TMEM132B: variants seen among roughly 807,000 people sequenced by gnomAD.
The protein encoded by TMEM132B is transmembrane protein 132B.
In TMEM132B, 18 loss-of-function variants were observed where a neutral mutation model predicts 90.8. That is an observed-to-expected ratio of 0.20 (90% confidence interval 0.14 to 0.29). The LOEUF (loss-of-function observed/expected upper bound fraction) is 0.29, where lower values mean the gene tolerates loss of function less well. Among genes scored for constraint, TMEM132B ranks in the 10% least tolerant of loss-of-function variants. TMEM132B has a pLI of 1.00. For missense variants in TMEM132B, 1,096 were observed against 1,326.8 expected, an observed-to-expected ratio of 0.83 and a Z score of 2.70; for synonymous variants, 504 against 523.3, an observed-to-expected ratio of 0.96 and a Z score of 0.50.
chr12:125,443,306 C>G (rs557144928), intron 3 of TMEM132B, among the ~76,000 whole-genome samples: 9 of 152,234 alleles, frequency 5.9e-5, no homozygotes, highest in African/African-American at 2.2e-4. Flanking sequence ...GAGAAGAGGG[C>G]CAGTTGTAAT....
chr12:125,661,847 TC>T lies in TMEM132B; in HGVS notation c.*7138del, dbSNP rs1318097240. The T allele has an allele frequency of 2.0e-5, 3 of 152,240 alleles. No homozygotes were observed. Among genetic ancestry groups the T allele is most frequent in the Admixed American group, 2.0e-4 (3 of 15,286 alleles). The allele number at this position is 152,240 out of a possible 1,614,324, so 9.4% of individuals were successfully genotyped here. On this transcript the variant is annotated 3_prime_UTR_variant, in exon 9 of 9. Coordinates refer to ENST00000682704, the MANE Select transcript of TMEM132B (RefSeq NM_001366854.1). ...CGTGTATCATGCAACAGACCCGTGC[TC>T]TTAGAGGGAGGTAGTGTGTGTCTTC...
rs574061660 is a variant in TMEM132B at position 125,367,418 on chromosome 12, C to T, written c.959+17075C>T. Among the ~76,000 whole-genome samples, 3 of 152,278 alleles carry T rather than the reference C, an allele frequency of 2.0e-5. No homozygotes were observed. In the East Asian group the frequency reaches 5.8e-4, roughly 29 times the overall value. On this transcript the variant is annotated intron_variant, in intron 2 of 8. Transcript: ENST00000682704. Reference sequence around the variant, plus strand: ...GTATGGATCTTTTATCTTTAGCTGACATGCTTTGAGACTGATCTGCATATA... The same window carrying T: ...GTATGGATCTTTTATCTTTAGCTGATATGCTTTGAGACTGATCTGCATATA...
chr12:125,629,162 A>ATT (rs539448867), intron 5 of TMEM132B, among the ~76,000 whole-genome samples: 10 of 149,482 alleles, frequency 6.7e-5, no homozygotes, highest in Admixed American at 6.7e-4. Flanking sequence ...AAATTCTAGG[A>ATT]TTTTTTTTTT....
At chr12:125,483,677 A>G (rs1234736001) in intron 3 of TMEM132B, among the ~76,000 whole-genome samples, 1 of 152,214 alleles carries the variant, frequency 6.6e-6, no homozygotes, top group Non-Finnish European at 1.5e-5. Context: ...TGCTCATGAA[A>G]TCCAGAGATT....
At chr12:125,568,932 A>G (rs1471815983) in intron 4 of TMEM132B, among the ~76,000 whole-genome samples, 1 of 152,186 alleles carries the variant, frequency 6.6e-6, no homozygotes, top group African/African-American at 2.4e-5. Flanking sequence ...CAGCAATTGT[A>G]TCCTTTTGCA....
intron 5 of TMEM132B, among the ~76,000 whole-genome samples, chr12:125,610,431 G>A (rs1409050896): frequency 6.6e-6 from 1 of 152,078 alleles, no homozygotes; most frequent in Non-Finnish European, 1.5e-5. Flanking sequence ...TCTATTCCTA[G>A]TTTGTTGATA....
At chr12:125,200,165 G>C (rs1593039058) in intron 1 of TMEM132B, among the ~76,000 whole-genome samples, 2 of 152,180 alleles carry the variant, frequency 1.3e-5, no homozygotes, top group Non-Finnish European at 2.9e-5. Flanking sequence ...TTCTAAGGTG[G>C]GGGCTGGGGA....
At chr12:125,301,426 C>T (rs1458248662) in intron 1 of TMEM132B, 1 of 152,334 alleles carries the variant, frequency 6.6e-6, no homozygotes, top group Non-Finnish European at 1.5e-5. Flanking sequence ...CTGTGCCCAG[C>T]TCTGAAGACC....
intron 5 of TMEM132B, among the ~76,000 whole-genome samples, chr12:125,626,047 CA>C (rs1214198130): frequency 1.3e-5 from 2 of 152,168 alleles, no homozygotes; most frequent in African/African-American, 4.8e-5. Context: ...TATTAACACA[CA>C]ATGCATTGTT....
rs542494851 is a variant in TMEM132B, at chr12:125,310,351, T to C, written c.68-39101T>C. ...CGGACAGAGGTGGTGGTGTGGATGG[T>C]GGCTGGGAATTATAGCAGGATTGTT... On this transcript the variant is annotated intron_variant, in intron 1 of 8. Transcript: ENST00000682704. 1.6e-4 allele frequency among the ~76,000 whole-genome samples: 24 copies of C among 152,268 alleles called. No homozygotes were observed. In the East Asian group the frequency reaches 4.5e-3, roughly 28 times the overall value.
chr12:125,385,007 A>G (rs981110822), intron 2 of TMEM132B, among the ~76,000 whole-genome samples: 4 of 152,046 alleles, frequency 2.6e-5, no homozygotes, highest in Non-Finnish European at 5.9e-5. Flanking sequence ...GCTCCCCCAG[A>G]CCCTGATAAC....
At chr12:125,483,204 C>T (rs949478836) in intron 3 of TMEM132B, among the ~76,000 whole-genome samples, 1 of 151,914 alleles carries the variant, frequency 6.6e-6, no homozygotes, top group Non-Finnish European at 1.5e-5. Flanking sequence ...TGTAACAAAC[C>T]TGCATGTTGT....
intron 3 of TMEM132B, among the ~76,000 whole-genome samples, chr12:125,485,117 C>G (rs1882166297): frequency 6.6e-6 from 1 of 152,160 alleles, no homozygotes; most frequent in African/African-American, 2.4e-5. Context: ...AAGATAGTCT[C>G]AGGGCAATGT....
At chr12:125,444,089 T>C (rs947802186) in intron 3 of TMEM132B, among the ~76,000 whole-genome samples, 2 of 152,206 alleles carry the variant, frequency 1.3e-5, no homozygotes, top group Admixed American at 6.5e-5. Flanking sequence ...AGGTCATTGC[T>C]CTCATATACA....
intron 5 of TMEM132B, among the ~76,000 whole-genome samples, chr12:125,609,133 C>T (rs1263775564): frequency 6.6e-6 from 1 of 152,084 alleles, no homozygotes; most frequent in East Asian, 1.9e-4. Flanking sequence ...GGGAAACCAC[C>T]CCCATCATTC....
intron 3 of TMEM132B, among the ~76,000 whole-genome samples, chr12:125,427,839 T>A (rs993488766): frequency 6.6e-6 from 1 of 152,186 alleles, no homozygotes; most frequent in African/African-American, 2.4e-5. Flanking sequence ...GTGATTTCCT[T>A]ATGCAGGAAA....
intron 2 of TMEM132B, among the ~76,000 whole-genome samples, chr12:125,369,924 C>G (rs1466934392): frequency 6.6e-6 from 1 of 152,116 alleles, no homozygotes; most frequent in Non-Finnish European, 1.5e-5. Flanking sequence ...TGGTGGGCAC[C>G]TGTAATCCCA....
At chr12:125,623,164 C>T (rs983313640) in intron 5 of TMEM132B, among the ~76,000 whole-genome samples, 2 of 152,120 alleles carry the variant, frequency 1.3e-5, no homozygotes, top group African/African-American at 2.4e-5. Context: ...TTCTCAGGCA[C>T]CATTTGATGA....
intron 5 of TMEM132B, among the ~76,000 whole-genome samples, chr12:125,638,415 T>C (rs915423436): frequency 5.3e-5 from 8 of 152,186 alleles, no homozygotes; most frequent in Admixed American, 5.2e-4. Context: ...AGGAATATTT[T>C]TGAGTACCTA....
Sources: allele counts gnomAD v4.1 joint callset (sites outside exome capture counted in the v4.1 genomes callset), GRCh38; gene constraint gnomAD v4.1.1; transcripts MANE v1.5; gene names NCBI Gene and HGNC (gene_info 2026-07-23, HGNC 2026-07-21).